HSF2BP: variants seen among roughly 807,000 people sequenced by gnomAD.
HSF2BP encodes the protein heat shock transcription factor 2 binding protein, also known as heat shock factor 2-binding protein.
Under a neutral mutation model 35.0 loss-of-function variants are expected in HSF2BP, and 35 were observed. The ratio of observed to expected loss-of-function variants is 1.00; its 90% confidence interval spans 0.76 to 1.32. The LOEUF is 1.32. Among genes scored for constraint, HSF2BP ranks in the 40% most tolerant of loss-of-function variants. The probability of loss-of-function intolerance (pLI) is 0.00; values close to 1 mark genes in which losing one functional copy is unlikely to be tolerated. For missense variants in HSF2BP, 326 were observed against 321.7 expected, an observed-to-expected ratio of 1.01 and a Z score of -0.10; for synonymous variants, 114 against 117.4, an observed-to-expected ratio of 0.97 and a Z score of 0.18.
intron 6 of HSF2BP, among the ~76,000 whole-genome samples, chr21:43,620,729 T>TCAC (rs1010571936): frequency 5.3e-5 from 8 of 151,860 alleles, no homozygotes; most frequent in Non-Finnish European, 1.0e-4. Flanking sequence ...ATCATCATCA[T>TCAC]CACCATCATC....
intron 7 of HSF2BP, among the ~76,000 whole-genome samples, chr21:43,600,346 A>G (rs1315041438): frequency 1.3e-5 from 2 of 152,238 alleles, no homozygotes; most frequent in African/African-American, 4.8e-5. Flanking sequence ...GTATCTGTGA[A>G]GTTCACTGCT....
chr21:43,601,381 T>C (rs537835400), intron 7 of HSF2BP, among the ~76,000 whole-genome samples: 42 of 152,228 alleles, frequency 2.8e-4, no homozygotes, highest in Non-Finnish European at 5.9e-4. Flanking sequence ...CTGATTACTA[T>C]GGAGAGCAAG....
intron 7 of HSF2BP, among the ~76,000 whole-genome samples, chr21:43,612,943 C>G (rs892564477): frequency 3.3e-5 from 5 of 152,158 alleles, no homozygotes; most frequent in Non-Finnish European, 5.9e-5. Context: ...AATTATCACA[C>G]GCTGATTATG....
intron 8 of HSF2BP, among the ~76,000 whole-genome samples, chr21:43,582,072 A>G (rs1265953907): frequency 7.6e-4 from 58 of 76,020 alleles, no homozygotes; most frequent in African/African-American, 3.0e-3. Context: ...CTGCTGTGGG[A>G]GATGAGGGCC....
chr21:43,653,902 T>C (rs1424989799), intron 3 of HSF2BP, among the ~76,000 whole-genome samples: 1 of 151,894 alleles, frequency 6.6e-6, no homozygotes, highest in Non-Finnish European at 1.5e-5. Context: ...GAGAGACAGG[T>C]AACAAGGAAG....
rs891588328 is a variant in HSF2BP at position 43,659,475 on chromosome 21, C to T, written c.-314G>A. 9.1e-5 allele frequency: 39 copies of T among 429,586 alleles called. No individual in the cohort carries two copies. The highest frequency in any genetic ancestry group is 5.4e-4 in the Admixed American group (10 of 18,678). The allele number at this position is 429,586 out of a possible 1,614,324, so 26.6% of individuals were successfully genotyped here. A position where few individuals can be genotyped will look rare whatever the true frequency, so the allele number is the denominator to read the frequency against. On this transcript the variant is annotated 5_prime_UTR_variant, in exon 1 of 9. Transcript: ENST00000291560. The surrounding 1 kb of genome is among the most constrained non-coding windows in gnomAD (Gnocchi z 4.2). ...TGGGCCGCTCCGCCAGCTGCCAGGG[C>T]CACTGCCGCGCTCACTCCCAGAGCG...
intron 8 of HSF2BP, among the ~76,000 whole-genome samples, chr21:43,587,304 A>G (rs1007582758): frequency 2.0e-5 from 3 of 152,176 alleles, no homozygotes; most frequent in African/African-American, 7.2e-5. Flanking sequence ...TGACCTTGCA[A>G]TGGATTTATG....
At chr21:43,592,521 T>A (rs1205391252) in intron 7 of HSF2BP, among the ~76,000 whole-genome samples, 193 bp from the exon 8 acceptor site, 1 of 152,186 alleles carries the variant, frequency 6.6e-6, no homozygotes. Context: ...AGCAATGATA[T>A]CACATAATAC....
At chr21:43,626,176 G>A (rs547372271) in intron 6 of HSF2BP, among the ~76,000 whole-genome samples, 7 of 151,474 alleles carry the variant, frequency 4.6e-5, no homozygotes, top group Middle Eastern at 3.4e-3. Flanking sequence ...CATCCACCCC[G>A]CAAGAACTAT....
intron 8 of HSF2BP, among the ~76,000 whole-genome samples, chr21:43,535,706 TAATAAAATAAAATAAAATAAAATAA>T (rs71195930): frequency 3.5e-4 from 1 of 2,834 alleles, no homozygotes; most frequent in Admixed American, 2.7e-3. Context: ...TAAAATAAAA[TAATAAAATAAAATAAAATAAAATAA>T]AATAAAATAA....
At chr21:43,650,456 C>T (rs752958469) in intron 3 of HSF2BP, among the ~76,000 whole-genome samples, 2 of 152,092 alleles carry the variant, frequency 1.3e-5, no homozygotes, top group African/African-American at 4.8e-5. Flanking sequence ...CCGCCCACTT[C>T]GGCCTCCCAA....
At position 43,614,037 on chromosome 21, in the gene HSF2BP, A is replaced by G. The variant is rs987938517; in HGVS notation, c.575-90T>C. The G allele has an allele frequency of 4.4e-6, 4 of 905,852 alleles. No individual in the cohort carries two copies. In the African/African-American group the frequency reaches 6.8e-5, roughly 15 times the overall value. 56.1% of individuals were successfully genotyped at this position (905,852 alleles called of 1,614,324 possible). A position where few individuals can be genotyped will look rare whatever the true frequency, so the allele number is the denominator to read the frequency against. On this transcript the variant is annotated intron_variant, in intron 6 of 8. Transcript: ENST00000291560. ...AGAACAGAGTATTTTCTCCTAAAAG[A>G]CCTAATGAAAACACAGCTGAAAATG... is the stretch of plus-strand genomic sequence containing the variant.
At chr21:43,642,196 A>C (rs2082646140) in intron 4 of HSF2BP, among the ~76,000 whole-genome samples, 1 of 152,062 alleles carries the variant, frequency 6.6e-6, no homozygotes, top group Non-Finnish European at 1.5e-5. Flanking sequence ...AAAAATAAAA[A>C]TTAATTAATT....
chr21:43,623,595 T>C (rs2082355747), intron 6 of HSF2BP, among the ~76,000 whole-genome samples: 2 of 152,210 alleles, frequency 1.3e-5, no homozygotes, highest in Admixed American at 6.5e-5. Context: ...TACCAAAGCC[T>C]GACTTTATGC....
intron 6 of HSF2BP, among the ~76,000 whole-genome samples, chr21:43,623,912 G>A (rs1458154581): frequency 6.6e-6 from 1 of 152,158 alleles, no homozygotes; most frequent in South Asian, 2.1e-4. Context: ...CAATGCTAAT[G>A]ATCTCTCCTA....
chr21:43,607,208 T>G (rs2082145662), intron 7 of HSF2BP, among the ~76,000 whole-genome samples: 2 of 151,556 alleles, frequency 1.3e-5, no homozygotes, highest in African/African-American at 4.9e-5. Flanking sequence ...GAGAATCGCT[T>G]GAGATCAGCA....
intron 4 of HSF2BP, among the ~76,000 whole-genome samples, chr21:43,634,895 T>C (rs2082530886): frequency 6.6e-6 from 1 of 152,216 alleles, no homozygotes; most frequent in Non-Finnish European, 1.5e-5. Context: ...CCTTTTGGAA[T>C]TCTAGCTTTT....
intron 6 of HSF2BP, among the ~76,000 whole-genome samples, chr21:43,618,889 G>C (rs1010342432): frequency 1.3e-5 from 2 of 151,642 alleles, no homozygotes; most frequent in Non-Finnish European, 2.9e-5. Flanking sequence ...AGCTTGCAGT[G>C]AGTGGAGATC....
chr21:43,574,840 G>GGGT (rs2081621885), intron 8 of HSF2BP, among the ~76,000 whole-genome samples: 1 of 139,538 alleles, frequency 7.2e-6, no homozygotes, highest in Non-Finnish European at 1.5e-5. Flanking sequence ...TCCTTGGGAC[G>GGGT]GGGGTGCCGT....
Sources: gnomAD v4.1 joint callset for allele counts (sites outside exome capture counted in the v4.1 genomes callset) on GRCh38, gnomAD v4.1.1 for gene constraint, Gnocchi (gnomAD v3.1) non-coding constraint, MANE v1.5 for transcripts, NCBI Gene and HGNC (gene_info 2026-07-23, HGNC 2026-07-21) for gene names.